The following PEX5L variants were observed in gnomAD, a reference collection of about 807,000 sequenced individuals.
PEX5L encodes peroxisomal biogenesis factor 5 like, also known as PEX5-related protein.
A neutral mutation model predicts 84.0 loss-of-function variants in PEX5L; 30 were observed. That is an observed-to-expected ratio of 0.36 (90% confidence interval 0.27 to 0.48). The LOEUF is 0.48. Ranked by LOEUF, PEX5L falls within the 20% of genes least tolerant of loss-of-function variation. The pLI, the probability that PEX5L is intolerant of heterozygous loss-of-function variation, is 0.99. For missense variants in PEX5L, 533 were observed against 754.6 expected (o/e 0.71, Z 3.44); for synonymous variants, 270 against 283.1 (o/e 0.95, Z 0.46).
intron 2 of PEX5L, among the ~76,000 whole-genome samples, chr3:179,913,560 G>C: frequency 6.6e-6 from 1 of 152,002 alleles, no homozygotes; most frequent in East Asian, 1.9e-4. Flanking sequence ...TGCTCAGTAG[G>C]CTTAGAGTTT....
At chr3:180,025,300 T>C (rs1036637134) in intron 1 of PEX5L, among the ~76,000 whole-genome samples, 20 of 152,134 alleles carry the variant, frequency 1.3e-4, no homozygotes, top group African/African-American at 4.6e-4. Context: ...CTCTTCTGAG[T>C]ATTTCACATT....
chr3:179,888,055 A>G (rs970996816), intron 3 of PEX5L: 3 of 944,938 alleles, frequency 3.2e-6, no homozygotes, highest in Non-Finnish European at 4.5e-6. Context: ...TTATTCTCTA[A>G]TTTCAATATA....
At chr3:179,982,598 G>A (rs1414198303) in intron 1 of PEX5L, among the ~76,000 whole-genome samples, 2 of 152,138 alleles carry the variant, frequency 1.3e-5, no homozygotes, top group African/African-American at 2.4e-5. Flanking sequence ...ATTAACTTGA[G>A]AGCACTGTAA....
intron 7 of PEX5L, among the ~76,000 whole-genome samples, chr3:179,863,477 TAACTC>T (rs1341390584): frequency 2.0e-5 from 3 of 152,096 alleles, no homozygotes; most frequent in Non-Finnish European, 2.9e-5. Context: ...ATAAGGAACT[TAACTC>T]AATAGCAAGA....
At chr3:179,883,989 A>T (rs761421006) in intron 4 of PEX5L, among the ~76,000 whole-genome samples, 8 of 152,214 alleles carry the variant, frequency 5.3e-5, no homozygotes, top group Non-Finnish European at 8.8e-5. Flanking sequence ...GTTGGAAATG[A>T]TTACAAAAAC....
chr3:179,987,170 A>C (rs1391477655), intron 1 of PEX5L, among the ~76,000 whole-genome samples: 2 of 152,154 alleles, frequency 1.3e-5, no homozygotes, highest in Non-Finnish European at 2.9e-5. Context: ...GCTGCTTAGA[A>C]CACTGCTTGA....
chr3:179,827,501 C>A (rs1446796340), intron 8 of PEX5L, among the ~76,000 whole-genome samples: 1 of 152,204 alleles, frequency 6.6e-6, no homozygotes, highest in Non-Finnish European at 1.5e-5. Flanking sequence ...CCTTGTGGAA[C>A]AAAGATGAAC....
chr3:179,966,920 G>A (rs951034578), intron 2 of PEX5L, among the ~76,000 whole-genome samples: 1 of 152,142 alleles, frequency 6.6e-6, no homozygotes, highest in Non-Finnish European at 1.5e-5. Context: ...TTCTCCTTGA[G>A]GAGGTTGTGA....
At chr3:179,879,470 A>G (rs1073072) in intron 5 of PEX5L, among the ~76,000 whole-genome samples, 7,612 of 152,252 alleles carry the variant, frequency 0.05, 676 homozygotes, top group African/African-American at 0.18. Flanking sequence ...GTTCCTAGGC[A>G]TTGTAACCCA....
At chr3:179,892,498 T>C (rs965304962) in intron 3 of PEX5L, among the ~76,000 whole-genome samples, 1 of 152,116 alleles carries the variant, frequency 6.6e-6, no homozygotes, top group Non-Finnish European at 1.5e-5. Flanking sequence ...TATTCAACAG[T>C]AGCAGTTTAA....
intron 2 of PEX5L, among the ~76,000 whole-genome samples, chr3:179,925,365 T>C (rs1214538741): frequency 1.4e-5 from 2 of 144,966 alleles, no homozygotes; most frequent in Admixed American, 6.9e-5. Context: ...GTTTTTTTTA[T>C]GTGTCCTTCC....
chr3:180,000,271 T>G (rs1788273759), intron 1 of PEX5L, among the ~76,000 whole-genome samples: 1 of 152,114 alleles, frequency 6.6e-6, no homozygotes, highest in African/African-American at 2.4e-5. Context: ...GGAGTTACAG[T>G]GTTGGCTGGG....
chr3:179,936,311 A>G (rs914712348), intron 2 of PEX5L, among the ~76,000 whole-genome samples: 3 of 152,200 alleles, frequency 2.0e-5, no homozygotes, highest in Admixed American at 6.5e-5. Context: ...ATATACTAAT[A>G]TATGTCAGAT....
chr3:179,941,612 T>C (rs1352835630), intron 2 of PEX5L, among the ~76,000 whole-genome samples: 1 of 152,216 alleles, frequency 6.6e-6, no homozygotes, highest in Non-Finnish European at 1.5e-5. Flanking sequence ...GTCTGTGCGA[T>C]GCCAAAATCC....
Position 179,799,126 on chromosome 3 carries a change from G to T in PEX5L, c.*2702C>A, listed in dbSNP as rs1029147583. On this transcript the variant is annotated 3_prime_UTR_variant, in exon 15 of 15. Transcript: ENST00000467460. Reference sequence around the variant, plus strand: ...ATAAAGACGGGGTTTCACCATGTTGGTCAGGCTGGTCTCGAACTCCTGACC... The same window carrying T: ...ATAAAGACGGGGTTTCACCATGTTGTTCAGGCTGGTCTCGAACTCCTGACC... 6.6e-6 allele frequency: 1 copy of T among 152,164 alleles called. No homozygotes were observed. Among genetic ancestry groups the T allele is most frequent in the African/African-American group, 2.4e-5 (1 of 41,406 alleles). The allele number at this position is 152,164 out of a possible 1,614,324, so 9.4% of individuals were successfully genotyped here.
intron 8 of PEX5L, among the ~76,000 whole-genome samples, chr3:179,840,163 G>T (rs79194632): frequency 0.017 from 1,430 of 84,256 alleles, 19 homozygotes; most frequent in African/African-American, 0.042. Context: ...GTTGTTTTTT[G>T]TGTGTGTGTG....
chr3:179,949,675 T>C (rs1429604233), intron 2 of PEX5L, among the ~76,000 whole-genome samples: 1 of 152,148 alleles, frequency 6.6e-6, no homozygotes. Context: ...TGCTGCCTTT[T>C]TCATGCAAAG....
intron 1 of PEX5L, among the ~76,000 whole-genome samples, chr3:179,994,650 G>A (rs1444847183): frequency 6.6e-6 from 1 of 152,128 alleles, no homozygotes; most frequent in East Asian, 1.9e-4. Context: ...CTTGATCGAA[G>A]GATGCAAAGT....
chr3:179,925,689 C>T (rs1771233653), intron 2 of PEX5L, among the ~76,000 whole-genome samples: 1 of 152,130 alleles, frequency 6.6e-6, no homozygotes, highest in South Asian at 2.1e-4. Context: ...ACAGTTTTAA[C>T]TCGCTATCTC....
Sources: gnomAD v4.1 joint callset for allele counts (sites outside exome capture counted in the v4.1 genomes callset) on GRCh38, gnomAD v4.1.1 for gene constraint, MANE v1.5 for transcripts, NCBI Gene and HGNC (gene_info 2026-07-23, HGNC 2026-07-21) for gene names.